Variants in COL4A6 observed in about 807,000 individuals in gnomAD.
COL4A6 encodes collagen alpha-6(IV) chain.
A neutral mutation model predicts 126.7 loss-of-function variants in COL4A6; 59 were observed. The observed-to-expected ratio is 0.47, with a 90% confidence interval of 0.38 to 0.58. The LOEUF (loss-of-function observed/expected upper bound fraction) is 0.58, where lower values mean the gene tolerates loss of function less well. COL4A6 is among the 20% of genes least tolerant of loss of function. The pLI, the probability that COL4A6 is intolerant of heterozygous loss-of-function variation, is 0.00. For synonymous variants in COL4A6, 547 were observed against 496.6 expected (o/e 1.10, Z -1.35); for missense variants, 1,285 against 1,337.3 (o/e 0.96, Z 0.61).
At chrX:108,415,709 T>A (rs149167819) in intron 2 of COL4A6, among the ~76,000 whole-genome samples, 1 of 112,431 alleles carries the variant, frequency 8.9e-6, no homozygotes, top group East Asian at 2.8e-4. Context: ...ACCTTTCAAT[T>A]TACTAGTTGC....
chrX:108,206,092 T>C (rs2035537086), intron 9 of COL4A6, among the ~76,000 whole-genome samples: 2 of 111,329 alleles, frequency 1.8e-5, no homozygotes, highest in East Asian at 5.7e-4. Flanking sequence ...ACAGGTTTTG[T>C]GTCAGAAAAA....
At chrX:108,237,216 A>C (rs959491478) in intron 3 of COL4A6, among the ~76,000 whole-genome samples, 12 of 111,628 alleles carry the variant, frequency 1.1e-4, no homozygotes, top group Non-Finnish European at 2.1e-4. Context: ...ACACTCTGTG[A>C]CAGTAATTGT....
At chrX:108,217,855 T>A (rs111252812) in intron 5 of COL4A6, among the ~76,000 whole-genome samples, 1 of 111,548 alleles carries the variant, frequency 9.0e-6, no homozygotes, top group African/African-American at 3.3e-5. Context: ...AAAGGAAATA[T>A]CAGGAGTTCA....
At chrX:108,161,596 CT>C in intron 42 of COL4A6, 22 bp downstream of exon 42, 1 of 764,730 alleles carries the variant, frequency 1.3e-6, no homozygotes. Context: ...CCCCGCCCGC[CT>C]CCTAATGTGG....
intron 24 of COL4A6, 121 bp downstream of exon 24, chrX:108,180,776 T>C: frequency 1.2e-6 from 1 of 847,941 alleles, no homozygotes; most frequent in South Asian, 2.2e-5. Context: ...GTTTCCTCAA[T>C]CCCCAAGGCT....
Position 108,237,859 on chromosome X carries a change from CATCTATCTATCTATCTATCT to C in COL4A6, c.145-16505_145-16486del, listed in dbSNP as rs36190820. Among the ~76,000 whole-genome samples, 182 of 91,646 alleles carry C rather than the reference CATCTATCTATCTATCTATCT, an allele frequency of 2.0e-3. 2 individuals carry two copies. Among genetic ancestry groups the C allele is most frequent in the Admixed American group, 8.7e-3 (69 of 7,946 alleles). 79.6% of individuals were successfully genotyped at this position (91,646 alleles called of 115,157 possible). A position where few individuals can be genotyped will look rare whatever the true frequency, so the allele number is the denominator to read the frequency against. On this transcript the variant is annotated intron_variant, in intron 3 of 44. Coordinates refer to ENST00000334504, the MANE Select transcript of COL4A6 (RefSeq NM_033641.4). ...TTTCCCTCTCTCCCTCTGTCTCTAT[CATCTATCTATCTATCTATCT>C]ATCTATCTATCTATCTATCTATCTA... is the stretch of plus-strand genomic sequence containing the variant.
At chrX:108,284,174 T>C (rs2037937275) in intron 3 of COL4A6, among the ~76,000 whole-genome samples, 1 of 111,698 alleles carries the variant, frequency 9.0e-6, no homozygotes, top group Admixed American at 9.5e-5. Context: ...AATTATTCTT[T>C]TTTATATAAT....
intron 23 of COL4A6, among the ~76,000 whole-genome samples, chrX:108,183,302 G>A (rs1228759413): frequency 3.6e-5 from 4 of 112,029 alleles, no homozygotes; most frequent in Admixed American, 9.5e-5. Context: ...AGAGTCTCTG[G>A]TTCCCAAGAT....
intron 2 of COL4A6, among the ~76,000 whole-genome samples, chrX:108,394,629 G>A (rs2040923326): frequency 9.0e-6 from 1 of 111,157 alleles, no homozygotes; most frequent in Admixed American, 9.6e-5. Flanking sequence ...TATATAACTG[G>A]GTTATGAATT....
At chrX:108,227,298 C>G (rs1028549906) in intron 3 of COL4A6, among the ~76,000 whole-genome samples, 17 of 111,939 alleles carry the variant, frequency 1.5e-4, no homozygotes, top group African/African-American at 3.2e-5. Context: ...ACAGCAGTAT[C>G]TTGTTTGGAA....
intron 2 of COL4A6, among the ~76,000 whole-genome samples, chrX:108,395,252 T>C (rs544820725): frequency 7.1e-5 from 8 of 112,078 alleles, no homozygotes; most frequent in African/African-American, 2.6e-4. Context: ...TGTTACTGTG[T>C]GATCTTCCAC....
rs57928875 is a variant in COL4A6 at position 108,197,772 on chromosome X, AGTGTGT to A, written c.835-1199_835-1194del. ...TTTTCATTGTCTTTTTATTGGGAGG[AGTGTGT>A]GTGTGTGTGTGTGTGTGTGTGTGTG... is the stretch of plus-strand genomic sequence containing the variant. On this transcript the variant is annotated intron_variant, in intron 13 of 44. Coordinates refer to ENST00000334504, the MANE Select transcript of COL4A6 (RefSeq NM_033641.4). 6.3e-3 allele frequency among the ~76,000 whole-genome samples: 549 copies of A among 87,231 alleles called. 9 individuals are homozygous for A. The highest frequency in any genetic ancestry group is 0.038 in the East Asian group (99 of 2,617). 75.7% of individuals were successfully genotyped at this position (87,231 alleles called of 115,157 possible).
intron 3 of COL4A6, chrX:108,268,043 G>C (rs943399815): frequency 8.9e-6 from 1 of 112,103 alleles, no homozygotes; most frequent in African/African-American, 3.2e-5. Flanking sequence ...TGATCAACTT[G>C]TTGTGTGGAA....
chrX:108,313,135 T>A lies in COL4A6; in HGVS notation c.64-2307A>T, dbSNP rs139092710. On this transcript the variant is annotated intron_variant, in intron 2 of 44. Transcript: ENST00000334504. Reference sequence around the variant, plus strand: ...CCAGCCCTGGCAGTTTCCCCAGGAGTCTTCAATTACAGTGAGGTGGGAGGA... The same window carrying A: ...CCAGCCCTGGCAGTTTCCCCAGGAGACTTCAATTACAGTGAGGTGGGAGGA... Among the ~76,000 whole-genome samples, 3 of 111,714 alleles carry A rather than the reference T, an allele frequency of 2.7e-5. No individual in the cohort carries two copies. The East Asian group carries it at 8.5e-4, about 32-fold the overall frequency.
intron 2 of COL4A6, among the ~76,000 whole-genome samples, chrX:108,425,237 G>C (rs1172911587): frequency 9.3e-6 from 1 of 107,659 alleles, no homozygotes; most frequent in East Asian, 2.9e-4. Context: ...GAGAGACAGA[G>C]AGGAGAGAGA....
At chrX:108,420,781 A>G (rs370782275) in intron 2 of COL4A6, among the ~76,000 whole-genome samples, 1 of 111,845 alleles carries the variant, frequency 8.9e-6, no homozygotes, top group Non-Finnish European at 1.9e-5. Context: ...TGGCTCTTCA[A>G]TGGTCCATCC....
chrX:108,361,885 G>A (rs941654304), intron 2 of COL4A6, among the ~76,000 whole-genome samples: 2 of 111,903 alleles, frequency 1.8e-5, no homozygotes, highest in Non-Finnish European at 3.8e-5. Flanking sequence ...AGTATTTAGA[G>A]CATATATTAG....
At chrX:108,406,587 C>T (rs1234243327) in intron 2 of COL4A6, among the ~76,000 whole-genome samples, 2 of 112,218 alleles carry the variant, frequency 1.8e-5, no homozygotes, top group African/African-American at 3.2e-5. Flanking sequence ...TCCACACACA[C>T]CATGCTGGTT....
In COL4A6 at chrX:108,179,365, C is replaced by T. The variant is rs941820292; in HGVS notation, c.2205G>A (p.Gly735=). ...PGLPGKDGLP[G]MIGSPGLPGS... The stretch of plus-strand genomic sequence containing the variant: ...CAGGTAAGCCTGGACTGCCAATCAT[C>T]CCAGGCAAGCCATCTTTTCCAGGGA... Residue 735 remains glycine (G), a synonymous_variant, in exon 26 of 45, where the codon GGG becomes GGA. Coordinates refer to ENST00000334504, the MANE Select transcript of COL4A6 (RefSeq NM_033641.4). 1 of 1,210,887 alleles carries T rather than the reference C, an allele frequency of 8.3e-7. No individual in the cohort carries two copies. The highest frequency in any genetic ancestry group is 1.1e-6 in the Non-Finnish European group (1 of 895,059).
Sources: gnomAD v4.1 joint callset for allele counts (sites outside exome capture counted in the v4.1 genomes callset) on GRCh38, gnomAD v4.1.1 for gene constraint, MANE v1.5 for transcripts, NCBI Gene and HGNC (gene_info 2026-07-23, HGNC 2026-07-21) for gene names.